Variants in GRK5 observed in about 807,000 individuals in gnomAD.
GRK5 encodes the protein G protein-coupled receptor kinase 5.
Under a neutral mutation model 78.4 loss-of-function variants are expected in GRK5, and 40 were observed. That is an observed-to-expected ratio of 0.51 (90% CI 0.40 to 0.66). GRK5 has a LOEUF of 0.66. GRK5 is among the 30% of genes least tolerant of loss of function. The pLI is 0.00. For missense variants in GRK5, 598 were observed against 759.9 expected (o/e 0.79, Z 2.50); for synonymous variants, 289 against 296.8 (o/e 0.97, Z 0.27).
At chr10:119,292,290 TTTCTCCTCCTCTTCCTCC>T (rs1298734089) in intron 1 of GRK5, among the ~76,000 whole-genome samples, 1 of 112,400 alleles carries the variant, frequency 8.9e-6, no homozygotes, top group African/African-American at 3.4e-5. Flanking sequence ...CCTCTTCCTC[TTTCTCCTCCTCTTCCTCC>T]TTCTCCTCCT....
chr10:119,251,078 A>G (rs533500154), intron 1 of GRK5, among the ~76,000 whole-genome samples: 89 of 151,864 alleles, frequency 5.9e-4, no homozygotes, highest in Non-Finnish European at 1.1e-3. Context: ...TCAATGACGA[A>G]CATTTGCATT....
chr10:119,314,442 G>A (rs1183132128), intron 1 of GRK5, among the ~76,000 whole-genome samples: 1 of 152,176 alleles, frequency 6.6e-6, no homozygotes, highest in Non-Finnish European at 1.5e-5. Flanking sequence ...TGAAGCTGGT[G>A]GTGCCAGCCG....
At chr10:119,414,557 C>T (rs1349083502) in intron 4 of GRK5, among the ~76,000 whole-genome samples, 4 of 152,332 alleles carry the variant, frequency 2.6e-5, no homozygotes, top group African/African-American at 9.6e-5. Flanking sequence ...CCTTGGAGTA[C>T]ATGCTGGTGC....
intron 6 of GRK5, among the ~76,000 whole-genome samples, chr10:119,428,390 AC>A (rs1331892576): frequency 1.3e-5 from 2 of 152,264 alleles, no homozygotes; most frequent in African/African-American, 4.8e-5. Flanking sequence ...AGGTATTGTT[AC>A]TATAGAGACC....
intron 1 of GRK5, among the ~76,000 whole-genome samples, chr10:119,301,654 T>C (rs1273970128): frequency 3.9e-5 from 6 of 152,178 alleles, no homozygotes; most frequent in Admixed American, 3.9e-4. Flanking sequence ...GCTTTCTCTT[T>C]AGTCTTCCAG....
At chr10:119,418,839 A>G (rs1852514401) in intron 4 of GRK5, among the ~76,000 whole-genome samples, 1 of 152,126 alleles carries the variant, frequency 6.6e-6, no homozygotes. Context: ...ACCAACGAGC[A>G]CCACCAAGAC....
chr10:119,459,563 A>C lies in GRK5; in HGVS notation c.*4496A>C, dbSNP rs991032899. 6.6e-6 allele frequency: 1 copy of C among 152,176 alleles called. No homozygotes were observed. Among genetic ancestry groups the C allele is most frequent in the Non-Finnish European group, 1.5e-5 (1 of 68,024 alleles). The allele number at this position is 152,176 out of a possible 1,614,324, so 9.4% of individuals were successfully genotyped here. On this transcript the variant is annotated 3_prime_UTR_variant, in exon 16 of 16. Transcript: ENST00000392870. ...CATCCAAAGCTTTCTAATTTTTTTC[A>C]GGGAGATTTGGACATTAATGAATGG...
chr10:119,212,156 C>CT (rs567817399), intron 1 of GRK5, among the ~76,000 whole-genome samples: 2,734 of 145,020 alleles, frequency 0.019, 67 homozygotes, highest in African/African-American at 0.061. Flanking sequence ...AACTGCCTTT[C>CT]TTTTTTTTTT....
chr10:119,424,882 A>T (rs150258680), intron 5 of GRK5, 111 bp from the exon 6 acceptor site: 1 of 762,560 alleles, frequency 1.3e-6, no homozygotes, highest in African/African-American at 1.7e-5. Flanking sequence ...CTGCATCTGC[A>T]TGGGTTGAGA....
In GRK5 at chr10:119,452,747, C is replaced by T; in HGVS notation, c.1481C>T (p.Thr494Ile). The change falls in exon 14 of 16, where the codon ACA (threonine) becomes ATA (isoleucine). Residue 494 changes from threonine (T) to isoleucine (I), a missense_variant. Coordinates refer to ENST00000392870, the MANE Select transcript of GRK5 (RefSeq NM_005308.3). The surrounding 1 kb of genome is among the most constrained non-coding windows in gnomAD (Gnocchi z 4.4). ...GTGAAGGGCGTCAATCTGGACCACA[C>T]AGACGACGACTTCTACTCCAAGTTC... Reference protein sequence around the residue: ...STVKGVNLDHTDDDFYSKFST... With the variant: ...STVKGVNLDHIDDDFYSKFST... The T allele has an allele frequency of 6.2e-7, 1 of 1,613,922 alleles. No homozygotes were observed. Among genetic ancestry groups the T allele is most frequent in the Non-Finnish European group, 8.5e-7 (1 of 1,179,946 alleles).
intron 2 of GRK5, chr10:119,330,224 G>A (rs914115041): frequency 6.6e-5 from 10 of 152,230 alleles, no homozygotes; most frequent in African/African-American, 2.4e-4. Context: ...CACAGACTAG[G>A]TGGCTTAAAC....
chr10:119,449,885 G>C (rs1853240915), intron 13 of GRK5, among the ~76,000 whole-genome samples: 2 of 152,194 alleles, frequency 1.3e-5, no homozygotes, highest in Non-Finnish European at 2.9e-5. Flanking sequence ...CATTGCTCTC[G>C]ACCCTGGCTG....
intron 1 of GRK5, among the ~76,000 whole-genome samples, chr10:119,226,784 A>G (rs1262015493): frequency 4.6e-5 from 7 of 150,674 alleles, no homozygotes; most frequent in African/African-American, 1.7e-4. Context: ...TTGGTCTCAA[A>G]CTCCTGACCT....
intron 2 of GRK5, among the ~76,000 whole-genome samples, chr10:119,361,300 C>T (rs1392081712): frequency 6.6e-6 from 1 of 152,192 alleles, no homozygotes; most frequent in African/African-American, 2.4e-5. Flanking sequence ...AGCCCCACCC[C>T]ACTTGGATGT....
chr10:119,275,613 G>GCGCGCGCA, intron 1 of GRK5, among the ~76,000 whole-genome samples: 1 of 120,756 alleles, frequency 8.3e-6, no homozygotes, highest in South Asian at 2.7e-4. Context: ...TCTCTCTCTC[G>GCGCGCGCA]CACACACACA....
At chr10:119,403,900 G>C (rs1438957381) in intron 4 of GRK5, among the ~76,000 whole-genome samples, 1 of 152,186 alleles carries the variant, frequency 6.6e-6, no homozygotes, top group Non-Finnish European at 1.5e-5. Flanking sequence ...TTTCCAAAGT[G>C]CTGGGATTAC....
intron 1 of GRK5, among the ~76,000 whole-genome samples, chr10:119,300,610 G>T (rs1351681945): frequency 6.6e-6 from 1 of 152,194 alleles, no homozygotes; most frequent in Non-Finnish European, 1.5e-5. Flanking sequence ...GTTCACCTAG[G>T]TTCCCCCTAA....
chr10:119,251,017 A>ACGT (rs1849190081), intron 1 of GRK5, among the ~76,000 whole-genome samples: 1 of 150,974 alleles, frequency 6.6e-6, no homozygotes, highest in South Asian at 2.1e-4. Context: ...TCACCCAGAG[A>ACGT]CTCCTGACCT....
intron 2 of GRK5, among the ~76,000 whole-genome samples, chr10:119,360,953 C>T (rs1851353536): frequency 6.6e-6 from 1 of 152,200 alleles, no homozygotes; most frequent in Non-Finnish European, 1.5e-5. Flanking sequence ...GCTGCCTTTC[C>T]CTCCCTCTGA....
Sources: allele counts gnomAD v4.1 joint callset (sites outside exome capture counted in the v4.1 genomes callset), GRCh38; gene constraint gnomAD v4.1.1; non-coding constraint Gnocchi (gnomAD v3.1); transcripts MANE v1.5; gene names NCBI Gene and HGNC (gene_info 2026-07-23, HGNC 2026-07-21).